CADPS: variants seen among roughly 807,000 people sequenced by gnomAD.
The protein encoded by CADPS is calcium-dependent secretion activator 1.
CADPS carries 57 observed loss-of-function variants against 167.3 expected under a neutral mutation model. That is an observed-to-expected ratio of 0.34 (90% CI 0.28 to 0.42). CADPS has a LOEUF of 0.42. CADPS is among the 20% of genes least tolerant of loss of function. The pLI is 1.00. For synonymous variants in CADPS, 676 were observed against 635.3 expected (o/e 1.06, Z -0.96); for missense variants, 1,414 against 1,738.1 (o/e 0.81, Z 3.32).
chr3:62,812,153 G>T (rs1189913676), intron 1 of CADPS, among the ~76,000 whole-genome samples: 1 of 152,108 alleles, frequency 6.6e-6, no homozygotes, highest in African/African-American at 2.4e-5. Context: ...AAAACAACTG[G>T]AAGGAGATAC....
Position 62,438,052 on chromosome 3 carries a change from A to G in CADPS, c.3777+52T>C. The G allele has an allele frequency of 8.1e-7, 1 of 1,233,860 alleles. No individual in the cohort carries two copies. The highest frequency in any genetic ancestry group is 1.8e-5 in the Admixed American group (1 of 56,026). 76.4% of individuals were successfully genotyped at this position (1,233,860 alleles called of 1,614,324 possible). A position where few individuals can be genotyped will look rare whatever the true frequency, so the allele number is the denominator to read the frequency against. ...ATCCTCCTGTCTCTTATTTTGTCACATTTTGGAGGGTCTCCTCCTTGGTTT... is the reference window on the plus strand; with the variant it reads ...ATCCTCCTGTCTCTTATTTTGTCACGTTTTGGAGGGTCTCCTCCTTGGTTT... On this transcript the variant is annotated intron_variant, in intron 28 of 29. Transcript: ENST00000383710. The surrounding 1 kb of genome is among the most constrained non-coding windows in gnomAD (Gnocchi z 4.7).
Position 62,488,809 on chromosome 3 carries a change from G to T in CADPS, c.3026+2530C>A, listed in dbSNP as rs148730218. On this transcript the variant is annotated intron_variant, in intron 21 of 29. Coordinates refer to ENST00000383710, the MANE Select transcript of CADPS (RefSeq NM_003716.4). ...CCAGCCCTTAGTTGGCACTTTTAAAGATCTCCACAGACTCTGAAAGGCATA... is the reference window on the plus strand; with the variant it reads ...CCAGCCCTTAGTTGGCACTTTTAAATATCTCCACAGACTCTGAAAGGCATA... Among the ~76,000 whole-genome samples, 383 of 152,194 alleles carry T rather than the reference G, an allele frequency of 2.5e-3. 1 individual carries two copies. The highest frequency in any genetic ancestry group is 8.5e-3 in the African/African-American group (354 of 41,536).
intron 24 of CADPS, chr3:62,469,634 A>G (rs1365135201): frequency 6.4e-6 from 1 of 155,402 alleles, no homozygotes; most frequent in South Asian, 1.8e-4. Context: ...CAGCCTCCCG[A>G]GTAGCTAGGA....
chr3:62,722,519 C>A (rs886965755), intron 3 of CADPS, among the ~76,000 whole-genome samples: 2 of 152,210 alleles, frequency 1.3e-5, no homozygotes, highest in African/African-American at 4.8e-5. Context: ...CTGTGTCACA[C>A]AGGTGGAGGC....
At chr3:62,440,727 G>C (rs2056154375) in intron 27 of CADPS, 1 of 152,164 alleles carries the variant, frequency 6.6e-6, no homozygotes, top group African/African-American at 2.4e-5. Flanking sequence ...ATAGGGAAGA[G>C]GGGGATTGTT....
In CADPS at chr3:62,731,805, C is replaced by CAAAAAAAAAAAAAAAAAAAAAAAAA. The variant is rs1212456893; in HGVS notation, c.888+21611_888+21635dup. On this transcript the variant is annotated intron_variant, in intron 3 of 29. Transcript: ENST00000383710. ...CCTGGTGAAAGAAACTGATCATATG[C>CAAAAAAAAAAAAAAAAAAAAAAAAA]AAAAAAAAAAAAAAAAAAAAAAAAA... Among the ~76,000 whole-genome samples, 30 of 27,136 alleles carry CAAAAAAAAAAAAAAAAAAAAAAAAA rather than the reference C, an allele frequency of 1.1e-3. 2 individuals are homozygous for CAAAAAAAAAAAAAAAAAAAAAAAAA. Among genetic ancestry groups the CAAAAAAAAAAAAAAAAAAAAAAAAA allele is most frequent in the African/African-American group, 2.0e-3 (12 of 6,092 alleles). 17.8% of individuals were successfully genotyped at this position (27,136 alleles called of 152,430 possible).
chr3:62,573,118 G>A lies in CADPS; in HGVS notation c.1578-2180C>T, dbSNP rs973303888. 4.9e-4 allele frequency among the ~76,000 whole-genome samples: 75 copies of A among 152,158 alleles called. 1 individual carries two copies. Among genetic ancestry groups the A allele is most frequent in the African/African-American group, 1.7e-3 (71 of 41,436 alleles). On this transcript the variant is annotated intron_variant, in intron 8 of 29. Transcript: ENST00000383710. ...GCTGGTCTCGAACTCTTGACCTCAG[G>A]TGATCTGGCTGCCTCGGCCTCCCAA...
At chr3:62,494,194 G>A (rs1261495545) in intron 18 of CADPS, among the ~76,000 whole-genome samples, 1 of 152,184 alleles carries the variant, frequency 6.6e-6, no homozygotes, top group Non-Finnish European at 1.5e-5. Flanking sequence ...CTGAACCGAT[G>A]AGGTTTTATT....
intron 26 of CADPS, among the ~76,000 whole-genome samples, chr3:62,456,726 ACT>A (rs1230997914): frequency 1.3e-5 from 2 of 149,878 alleles, no homozygotes; most frequent in African/African-American, 2.5e-5. Context: ...AAAAGCTCAC[ACT>A]CTCTCTCTTC....
chr3:62,612,885 G>A (rs959582628), intron 6 of CADPS, among the ~76,000 whole-genome samples: 18 of 152,300 alleles, frequency 1.2e-4, no homozygotes, highest in Admixed American at 8.5e-4. Context: ...TGTTCTGGGC[G>A]CTGGCAAGAC....
At position 62,692,166 on chromosome 3, in the gene CADPS, TA is replaced by T. The variant is rs960087131; in HGVS notation, c.889-29773del. 3.9e-5 allele frequency among the ~76,000 whole-genome samples: 6 copies of T among 151,932 alleles called. 1 individual carries two copies. The highest frequency in any genetic ancestry group is 1.2e-4 in the African/African-American group (5 of 41,404). On this transcript the variant is annotated intron_variant, in intron 3 of 29. Transcript: ENST00000383710. ...CATCTGAACTGCCTTGGAGTTTGTT[TA>T]AAAAAATATATCTATATACATATAT...
chr3:62,723,700 T>A (rs552879819), intron 3 of CADPS, among the ~76,000 whole-genome samples: 16 of 152,316 alleles, frequency 1.1e-4, no homozygotes, highest in South Asian at 4.1e-4. Context: ...TCTGAGCCGC[T>A]CAGGAGATGA....
At chr3:62,607,313 C>T (rs923611190) in intron 6 of CADPS, among the ~76,000 whole-genome samples, 1 of 152,206 alleles carries the variant, frequency 6.6e-6, no homozygotes, top group African/African-American at 2.4e-5. Flanking sequence ...CCTGGCTATG[C>T]TGGCCAAGCC....
chr3:62,836,366 T>C (rs182615364), intron 1 of CADPS, among the ~76,000 whole-genome samples: 44 of 152,308 alleles, frequency 2.9e-4, no homozygotes, highest in African/African-American at 1.0e-3. Flanking sequence ...ACAGTGTCCC[T>C]GTCCTCCAAT....
At chr3:62,437,054 GA>G (rs370430065) in intron 28 of CADPS, among the ~76,000 whole-genome samples, 6,430 of 144,620 alleles carry the variant, frequency 0.044, 183 homozygotes, top group African/African-American at 0.084. Flanking sequence ...CACAATCACA[GA>G]AAAAAAAAAA....
intron 1 of CADPS, among the ~76,000 whole-genome samples, chr3:62,769,507 C>T (rs560561628): frequency 6.6e-6 from 1 of 152,170 alleles, no homozygotes; most frequent in South Asian, 2.1e-4. Flanking sequence ...GCTGGAATTA[C>T]AGGCGTGAAC....
In CADPS at chr3:62,492,765, CATT is replaced by C. The variant is rs559724091; in HGVS notation, c.2728-322_2728-320del. Among the ~76,000 whole-genome samples the C allele has an allele frequency of 3.5e-3, 531 of 152,248 alleles. 2 individuals carry two copies. Among genetic ancestry groups the C allele is most frequent in the South Asian group, 8.5e-3 (41 of 4,822 alleles). On this transcript the variant is annotated intron_variant, in intron 19 of 29. Coordinates refer to ENST00000383710, the MANE Select transcript of CADPS (RefSeq NM_003716.4). ...GTACATTTTGAGTCATGCTCTTTGT[CATT>C]GTTGTTGGCTAGTTCTTGCTCTAAG...
At chr3:62,827,408 T>A (rs2074264721) in intron 1 of CADPS, among the ~76,000 whole-genome samples, 1 of 152,180 alleles carries the variant, frequency 6.6e-6, no homozygotes, top group African/African-American at 2.4e-5. Flanking sequence ...CATTTAACCC[T>A]TATAACCCCC....
chr3:62,685,560 T>A (rs1249455870), intron 3 of CADPS, among the ~76,000 whole-genome samples: 1 of 150,894 alleles, frequency 6.6e-6, no homozygotes, highest in African/African-American at 2.4e-5. Flanking sequence ...AGTGGTGGAG[T>A]CAAGAAAAAA....
Sources: allele counts gnomAD v4.1 joint callset (sites outside exome capture counted in the v4.1 genomes callset), GRCh38; gene constraint gnomAD v4.1.1; non-coding constraint Gnocchi (gnomAD v3.1); transcripts MANE v1.5; gene names NCBI Gene and HGNC (gene_info 2026-07-23, HGNC 2026-07-21).